Variants in SGCZ observed in about 807,000 individuals in gnomAD.
SGCZ encodes the protein sarcoglycan zeta.
Under a neutral mutation model 41.3 loss-of-function variants are expected in SGCZ, and 40 were observed. The ratio of observed to expected loss-of-function variants is 0.97; its 90% CI spans 0.75 to 1.26. The LOEUF is 1.26. Ranked by LOEUF, SGCZ falls within the 50% of genes most tolerant of loss-of-function variation. The pLI is 0.00. For synonymous variants in SGCZ, 206 were observed against 137.5 expected (o/e 1.50, Z -3.49); for missense variants, 552 against 369.8 (o/e 1.49, Z -4.04).
At chr8:14,533,069 T>C (rs1017179397) in intron 2 of SGCZ, among the ~76,000 whole-genome samples, 4 of 152,040 alleles carry the variant, frequency 2.6e-5, no homozygotes, top group African/African-American at 7.2e-5. Context: ...TATATATACA[T>C]GTGCCATGTT....
At chr8:15,213,269 T>C (rs1268000784) in intron 1 of SGCZ, among the ~76,000 whole-genome samples, 4 of 151,964 alleles carry the variant, frequency 2.6e-5, no homozygotes, top group Non-Finnish European at 4.4e-5. Flanking sequence ...TCAAATTATT[T>C]GTTAAGTATC....
At chr8:14,809,806 T>G (rs774378605) in intron 1 of SGCZ, among the ~76,000 whole-genome samples, 1 of 152,092 alleles carries the variant, frequency 6.6e-6, no homozygotes, top group Non-Finnish European at 1.5e-5. Flanking sequence ...AAAGTCAACA[T>G]TAGCAAGATA....
At chr8:15,125,339 C>G (rs981989029) in intron 1 of SGCZ, among the ~76,000 whole-genome samples, 8 of 152,164 alleles carry the variant, frequency 5.3e-5, no homozygotes, top group Non-Finnish European at 1.2e-4. Context: ...TATGTCCTCT[C>G]TGACCTGGAC....
intron 2 of SGCZ, among the ~76,000 whole-genome samples, chr8:14,444,312 G>A (rs1425086458): frequency 7.2e-5 from 11 of 152,054 alleles, no homozygotes; most frequent in Admixed American, 7.2e-4. Flanking sequence ...CCATTACTGG[G>A]TATATACCCA....
At chr8:14,296,803 A>G (rs1801027474) in intron 3 of SGCZ, among the ~76,000 whole-genome samples, 1 of 152,190 alleles carries the variant, frequency 6.6e-6, no homozygotes, top group African/African-American at 2.4e-5. Flanking sequence ...AAAAAATTAG[A>G]CGAATTTAAA....
intron 1 of SGCZ, among the ~76,000 whole-genome samples, chr8:15,144,580 G>A (rs570361613): frequency 8.5e-4 from 129 of 152,042 alleles, no homozygotes; most frequent in African/African-American, 2.8e-3. Flanking sequence ...TCCTGCCTCA[G>A]CCTCCTGAGT....
At chr8:14,857,263 C>T (rs1375151111) in intron 1 of SGCZ, among the ~76,000 whole-genome samples, 1 of 152,172 alleles carries the variant, frequency 6.6e-6, no homozygotes, top group Non-Finnish European at 1.5e-5. Context: ...GCACAGCCTG[C>T]AGTACTGAAC....
At chr8:14,581,935 T>G (rs1156931979) in intron 1 of SGCZ, among the ~76,000 whole-genome samples, 1 of 152,120 alleles carries the variant, frequency 6.6e-6, no homozygotes, top group African/African-American at 2.4e-5. Context: ...TTAGAGTGAG[T>G]GTGCCTGTCT....
At chr8:14,733,755 A>G (rs1585217958) in intron 1 of SGCZ, among the ~76,000 whole-genome samples, 1 of 152,330 alleles carries the variant, frequency 6.6e-6, no homozygotes, top group South Asian at 2.1e-4. Flanking sequence ...TACATTTTAA[A>G]TGGTTCCATA....
intron 3 of SGCZ, among the ~76,000 whole-genome samples, chr8:14,248,110 T>A (rs1799169029): frequency 6.6e-6 from 1 of 152,150 alleles, no homozygotes; most frequent in African/African-American, 2.4e-5. Context: ...TCGAGGAAAT[T>A]ATTAAATTTT....
At chr8:15,192,881 G>GA (rs1268600814) in intron 1 of SGCZ, among the ~76,000 whole-genome samples, 4 of 151,832 alleles carry the variant, frequency 2.6e-5, no homozygotes, top group African/African-American at 7.3e-5. Flanking sequence ...GATATACAGA[G>GA]AAAAAAGGAA....
chr8:15,014,205 A>G (rs1802938886), intron 1 of SGCZ, among the ~76,000 whole-genome samples: 1 of 152,206 alleles, frequency 6.6e-6, no homozygotes, highest in Non-Finnish European at 1.5e-5. Flanking sequence ...TCTAGTTGTC[A>G]GGATATGCTG....
At chr8:15,156,508 G>A (rs554017291) in intron 1 of SGCZ, among the ~76,000 whole-genome samples, 1 of 152,298 alleles carries the variant, frequency 6.6e-6, no homozygotes, top group East Asian at 1.9e-4. Context: ...GTTCTTGACT[G>A]TCATGATTTG....
At chr8:14,790,581 T>C (rs2130466935) in intron 1 of SGCZ, among the ~76,000 whole-genome samples, 1 of 152,178 alleles carries the variant, frequency 6.6e-6, no homozygotes, top group East Asian at 1.9e-4. Flanking sequence ...TAACTACATA[T>C]AAATAACTAA....
chr8:14,217,025 C>T (rs183922860), intron 4 of SGCZ, among the ~76,000 whole-genome samples: 4 of 152,144 alleles, frequency 2.6e-5, no homozygotes, highest in African/African-American at 7.2e-5. Context: ...CGGTGGCTCA[C>T]GCCTGTAATC....
At chr8:14,378,924 C>G (rs894411321) in intron 2 of SGCZ, among the ~76,000 whole-genome samples, 1 of 152,094 alleles carries the variant, frequency 6.6e-6, no homozygotes, top group Non-Finnish European at 1.5e-5. Context: ...GAGCTTTTTA[C>G]AAACTCAACA....
intron 2 of SGCZ, among the ~76,000 whole-genome samples, chr8:14,396,255 AAGG>A (rs1798916557): frequency 6.6e-6 from 1 of 152,172 alleles, no homozygotes; most frequent in Admixed American, 6.5e-5. Context: ...AGTGTAAGGT[AAGG>A]ACTTAAAATG....
intron 2 of SGCZ, among the ~76,000 whole-genome samples, chr8:14,380,788 G>A (rs1045043039): frequency 2.6e-5 from 4 of 152,286 alleles, no homozygotes; most frequent in African/African-American, 9.6e-5. Context: ...GAACCCAGGA[G>A]GCGGAGCTTG....
At chr8:14,394,796 G>A (rs1248461607) in intron 2 of SGCZ, among the ~76,000 whole-genome samples, 1 of 152,160 alleles carries the variant, frequency 6.6e-6, no homozygotes, top group Non-Finnish European at 1.5e-5. Flanking sequence ...GGTAAAAAAA[G>A]GCTAAATAAT....
Sources: gnomAD v4.1 joint callset for allele counts (sites outside exome capture counted in the v4.1 genomes callset) on GRCh38, gnomAD v4.1.1 for gene constraint, MANE v1.5 for transcripts, NCBI Gene and HGNC (gene_info 2026-07-23, HGNC 2026-07-21) for gene names.